The following TSGA13 variants were observed in gnomAD, a reference collection of about 807,000 sequenced individuals.
The protein encoded by TSGA13 is testis specific 13.
In TSGA13, 37 loss-of-function variants were observed where a neutral mutation model predicts 35.1. The ratio of observed to expected loss-of-function variants is 1.05; its 90% CI spans 0.81 to 1.39. TSGA13 has a LOEUF of 1.39. Ranked by LOEUF, TSGA13 falls within the 40% of genes most tolerant of loss-of-function variation. TSGA13 has a pLI of 0.00. For missense variants in TSGA13, 338 were observed against 328.5 expected (o/e 1.03, Z -0.22); for synonymous variants, 124 against 121.2 (o/e 1.02, Z -0.15).
chr7:130,676,048 A>G (rs1447767606), intron 5 of TSGA13, among the ~76,000 whole-genome samples: 1 of 152,258 alleles, frequency 6.6e-6, no homozygotes, highest in Non-Finnish European at 1.5e-5. Context: ...GGCTGTTAGT[A>G]TGACAATCAC....
Position 130,669,056 on chromosome 7 carries a change from C to G in TSGA13, c.786G>C (p.Arg262Ser), listed in dbSNP as rs145392554. ...APGESAFRNGRAPQWIIKKAT... is the reference protein window; with the variant it reads ...APGESAFRNGSAPQWIIKKAT... Reference sequence around the variant, plus strand: ...CCTTTTTGATAATCCACTGCGGGGCCCTCCCGTTGCGGAAGGCGCTCTCCC... The same window carrying G: ...CCTTTTTGATAATCCACTGCGGGGCGCTCCCGTTGCGGAAGGCGCTCTCCC... The change falls in exon 8 of 8, where the codon AGG becomes AGC. Residue 262 changes from arginine (R) to serine (S), a missense_variant. By Grantham distance (110) the Arg-to-Ser change is moderately radical (BLOSUM62 -1). Coordinates refer to ENST00000356588, the MANE Select transcript of TSGA13 (RefSeq NM_052933.4). 3.7e-6 allele frequency: 6 copies of G among 1,614,066 alleles called. No homozygotes were observed. The South Asian group carries it at 6.6e-5, about 18-fold the overall frequency.
intron 6 of TSGA13, among the ~76,000 whole-genome samples, 176 bp from the exon 7 acceptor site, chr7:130,671,964 C>T (rs1247388440): frequency 6.6e-6 from 1 of 151,850 alleles, no homozygotes; most frequent in Non-Finnish European, 1.5e-5. Flanking sequence ...GATCTTGGTT[C>T]ACTGCAACCT....
chr7:130,670,209 A>T (rs1439381271), intron 7 of TSGA13, among the ~76,000 whole-genome samples: 1 of 152,164 alleles, frequency 6.6e-6, no homozygotes, highest in Non-Finnish European at 1.5e-5. Flanking sequence ...GTAGGTGGAA[A>T]TGGGATGGGA....
chr7:130,669,266 G>C (rs10232683), intron 7 of TSGA13, 83 bp from the exon 8 acceptor site: 1,292,597 of 1,560,300 alleles, frequency 0.83, 537,234 homozygotes, highest in Non-Finnish European at 0.85. Flanking sequence ...TAAAGGAGAC[G>C]CACTTGGAGG....
At position 130,684,491 on chromosome 7, in the gene TSGA13, C is replaced by T. The variant is rs528109891; in HGVS notation, c.23+697G>A. ...GTTCCATTGGGTGGTTAAATTAGCT[C>T]AAAGTAAGAAGAATTATGCAACTAT... is the stretch of plus-strand genomic sequence containing the variant. On this transcript the variant is annotated intron_variant, in intron 2 of 7. Coordinates refer to ENST00000356588, the MANE Select transcript of TSGA13 (RefSeq NM_052933.4). 7.2e-5 allele frequency among the ~76,000 whole-genome samples: 11 copies of T among 152,272 alleles called. No individual in the cohort carries two copies. In the South Asian group the frequency reaches 2.1e-3, roughly 29 times the overall value.
In TSGA13 at chr7:130,679,982, G is replaced by A. The variant is rs112227814; in HGVS notation, c.175-615C>T. On this transcript the variant is annotated intron_variant, in intron 4 of 7. Transcript: ENST00000356588. ...TAATTCTTCCAATATAATGGGACAAGCAGAGAAGTTTCTACATGGCTAAAC... is the reference window on the plus strand; with the variant it reads ...TAATTCTTCCAATATAATGGGACAAACAGAGAAGTTTCTACATGGCTAAAC... Among the ~76,000 whole-genome samples, 779 of 152,280 alleles carry A rather than the reference G, an allele frequency of 5.1e-3. 11 individuals are homozygous for A. The highest frequency in any genetic ancestry group is 0.018 in the African/African-American group (737 of 41,562).
chr7:130,686,594 G>A (rs2116337468), upstream of TSGA13: 1 of 151,686 alleles, frequency 6.6e-6, no homozygotes, highest in Non-Finnish European at 1.5e-5. Flanking sequence ...AGAATGCTGA[G>A]GTGTTCTGTG....
At position 130,685,344 on chromosome 7, in the gene TSGA13, A is replaced by T; in HGVS notation, c.-134T>A. 1 of 1,503,766 alleles carries T rather than the reference A, an allele frequency of 6.6e-7. No individual in the cohort carries two copies. Among genetic ancestry groups the T allele is most frequent in the South Asian group, 1.4e-5 (1 of 72,256 alleles). 93.2% of individuals were successfully genotyped at this position (1,503,766 alleles called of 1,614,324 possible). A position where few individuals can be genotyped will look rare whatever the true frequency, so the allele number is the denominator to read the frequency against. On this transcript the variant is annotated 5_prime_UTR_variant, in exon 2 of 8. An upstream start codon of the reference 5' UTR is lost. Transcript: ENST00000356588. ...TTTCCTTAGCACACAGTGTGTACTCATGCCCCATTCTTGAGCCTGTATGGG... is the reference window on the plus strand; with the variant it reads ...TTTCCTTAGCACACAGTGTGTACTCTTGCCCCATTCTTGAGCCTGTATGGG...
chr7:130,672,138 C>T (rs1331301603), intron 6 of TSGA13, among the ~76,000 whole-genome samples: 6 of 152,158 alleles, frequency 3.9e-5, no homozygotes, highest in African/African-American at 1.4e-4. Flanking sequence ...GATCTGCCCA[C>T]CTTGGCCTCC....
At chr7:130,671,875 AT>A in intron 6 of TSGA13, 87 bp from the exon 7 acceptor site, 1 of 819,404 alleles carries the variant, frequency 1.2e-6, no homozygotes, top group Admixed American at 5.4e-5. Flanking sequence ...ATTTTATTTT[AT>A]TTTATTTTAT....
chr7:130,682,065 G>C (rs1326101875), intron 3 of TSGA13, among the ~76,000 whole-genome samples: 1 of 151,546 alleles, frequency 6.6e-6, no homozygotes, highest in Non-Finnish European at 1.5e-5. Flanking sequence ...TCAGCATCCC[G>C]AGTACCTGGG....
intron 5 of TSGA13, among the ~76,000 whole-genome samples, 163 bp from the exon 6 acceptor site, chr7:130,673,039 G>A (rs886765844): frequency 3.0e-4 from 45 of 152,198 alleles, no homozygotes; most frequent in African/African-American, 1.0e-3. Context: ...AGAGGAAGCC[G>A]TTCCCTGGGA....
At position 130,672,047 on chromosome 7, in the gene TSGA13, C is replaced by T. The variant is rs1044372745; in HGVS notation, c.531-259G>A. 5.3e-5 allele frequency among the ~76,000 whole-genome samples: 8 copies of T among 152,076 alleles called. No individual in the cohort carries two copies. The South Asian group carries it at 8.3e-4, about 16-fold the overall frequency. ...CTGGGATTACAGGCACTTGCCACCACGCCTGGCTAATTTTTGTATTTTTAG... is the reference window on the plus strand; with the variant it reads ...CTGGGATTACAGGCACTTGCCACCATGCCTGGCTAATTTTTGTATTTTTAG... On this transcript the variant is annotated intron_variant, in intron 6 of 7. Coordinates refer to ENST00000356588, the MANE Select transcript of TSGA13 (RefSeq NM_052933.4).
chr7:130,675,180 C>G (rs1554463957), intron 5 of TSGA13, among the ~76,000 whole-genome samples: 2 of 151,954 alleles, frequency 1.3e-5, no homozygotes, highest in African/African-American at 2.4e-5. Context: ...TCCTTCTTCT[C>G]CCTTTACCTT....
At chr7:130,680,702 T>C (rs1348291859) in intron 4 of TSGA13, among the ~76,000 whole-genome samples, 1 of 152,046 alleles carries the variant, frequency 6.6e-6, no homozygotes, top group Non-Finnish European at 1.5e-5. Context: ...TTTCCTCAAC[T>C]TAAAAAAAAT....
intron 6 of TSGA13, 148 bp downstream of exon 6, chr7:130,672,586 A>G (rs550695464): frequency 2.4e-5 from 23 of 963,912 alleles, no homozygotes; most frequent in African/African-American, 8.4e-5. Flanking sequence ...TCATGTGTCA[A>G]TGAGGTTAGG....
chr7:130,675,988 G>C (rs1235501977), intron 5 of TSGA13, among the ~76,000 whole-genome samples: 3 of 152,140 alleles, frequency 2.0e-5, no homozygotes, highest in Admixed American at 6.5e-5. Flanking sequence ...AACTTCTCAG[G>C]ATATTCCCTT....
Position 130,679,158 on chromosome 7 carries a change from G to T in TSGA13, c.384C>A (p.Val128=). Residue 128 remains valine, a synonymous_variant, in exon 5 of 8, where the codon GTC becomes GTA. Transcript: ENST00000356588. ...GTGCCAGGAGACTTCTGCTTACCAT[G>T]ACCTTGAGCAGTAACTCCTTGGAAA... ...KYFSKELLLK[V]MESHHQHKPT... 1 of 1,613,310 alleles carries T rather than the reference G, an allele frequency of 6.2e-7. No homozygotes were observed. The highest frequency in any genetic ancestry group is 1.1e-5 in the South Asian group (1 of 90,972).
intron 5 of TSGA13, among the ~76,000 whole-genome samples, chr7:130,676,874 T>A (rs1277513238): frequency 6.6e-6 from 1 of 152,124 alleles, no homozygotes; most frequent in Non-Finnish European, 1.5e-5. Context: ...GAGGCTATCA[T>A]GACCTTTTTT....
Sources: allele counts gnomAD v4.1 joint callset (sites outside exome capture counted in the v4.1 genomes callset), GRCh38; gene constraint gnomAD v4.1.1; transcripts MANE v1.5; gene names NCBI Gene and HGNC (gene_info 2026-07-23, HGNC 2026-07-21).